Variants in SLC26A1 observed in about 807,000 individuals in gnomAD.
SLC26A1 encodes sulfate anion transporter 1.
SLC26A1 carries 18 observed loss-of-function variants against 14.5 expected under a neutral mutation model. The observed-to-expected ratio is 1.24, with a 90% CI of 0.86 to 1.84. SLC26A1 has a LOEUF of 1.84. Among genes scored for constraint, SLC26A1 ranks in the 40% most tolerant of loss-of-function variants. SLC26A1 has a pLI of 0.00. For missense variants in SLC26A1, 1,049 were observed against 1,020.0 expected, an observed-to-expected ratio of 1.03 and a Z score of -0.39; for synonymous variants, 505 against 492.0, an observed-to-expected ratio of 1.03 and a Z score of -0.35.
intron 2 of SLC26A1, among the ~76,000 whole-genome samples, chr4:982,009 C>T (rs748969811): frequency 6.6e-5 from 10 of 152,230 alleles, no homozygotes; most frequent in Middle Eastern, 3.4e-3. Context: ...TTAGTAGAGA[C>T]GAGTTTTCAC....
chr4:989,309 C>T lies in SLC26A1; in HGVS notation c.1630G>A (p.Gly544Arg). ...TCCTTGTTGGCATAGTACAGCGGCC[C>T]CCCAAAGCGGAACACCCGCACGCCG... ...EPGVRVFRFG[G>R]PLYYANKDFF... is the part of the protein sequence containing the mutation. The change falls in exon 3 of 3, where the codon GGG (glycine) becomes AGG (arginine). Residue 544 changes from glycine to arginine, a missense_variant. Physicochemically the swap from Gly to Arg is moderately radical, Grantham distance 125. Coordinates refer to ENST00000398516, the MANE Select transcript of SLC26A1 (RefSeq NM_022042.4). The T allele has an allele frequency of 1.2e-6, 2 of 1,611,848 alleles. No homozygotes were observed. The highest frequency in any genetic ancestry group is 2.2e-5 in the East Asian group (1 of 44,834).
In SLC26A1 at chr4:987,734, G is replaced by T. The variant is rs779748908; in HGVS notation, c.*1099C>A. On this transcript the variant is annotated 3_prime_UTR_variant, in exon 3 of 3. Transcript: ENST00000398516. ...GGATCCTGCGCCCGGGCAGTCCTGG[G>T]CTTGAACGTGTGTGTCAGCCGCGCT... The T allele has an allele frequency of 6.2e-7, 1 of 1,600,882 alleles. No individual in the cohort carries two copies. The highest frequency in any genetic ancestry group is 8.5e-7 in the Non-Finnish European group (1 of 1,175,024).
In SLC26A1 at chr4:990,159, G is replaced by A. The variant is rs756732014; in HGVS notation, c.780C>T (p.Asn260=). 45 of 1,563,568 alleles carry A rather than the reference G, an allele frequency of 2.9e-5. No homozygotes were observed. The highest frequency in any genetic ancestry group is 1.9e-4 in the East Asian group (8 of 42,088). The part of the protein sequence containing the change: ...LSLLRGAGQA[N]VCDVVTSTVC... ...CCGTGCTGGTGACCACGTCGCACAC[G>A]TTGGCCTGCCCGGCGCCGCGCAGCA... The change falls in exon 3 of 3, where the codon AAC becomes AAT. Residue 260 remains asparagine, a synonymous_variant. Coordinates refer to ENST00000398516, the MANE Select transcript of SLC26A1 (RefSeq NM_022042.4).
chr4:981,769 C>T (rs575954802), intron 2 of SLC26A1, among the ~76,000 whole-genome samples: 287 of 152,356 alleles, frequency 1.9e-3, no homozygotes, highest in Non-Finnish European at 3.4e-3. Context: ...AGCTGCCCAG[C>T]GGCTTCTGAT....
At chr4:987,604 GC>G, downstream of SLC26A1, 1 of 1,428,352 alleles carries the variant, frequency 7.0e-7, no homozygotes, top group Non-Finnish European at 9.2e-7. Flanking sequence ...GCTGGCGTTG[GC>G]CCCTCGTCTT....
chr4:980,626 TG>T (rs1354357326), intron 2 of SLC26A1, among the ~76,000 whole-genome samples: 5 of 145,992 alleles, frequency 3.4e-5, no homozygotes, highest in African/African-American at 1.3e-4. Flanking sequence ...ACAATCAGGA[TG>T]GACAGGAAGT....
In SLC26A1 at chr4:991,667, C is replaced by A; in HGVS notation, c.37G>T (p.Gly13Trp). 1 of 1,539,182 alleles carries A rather than the reference C, an allele frequency of 6.5e-7. No homozygotes were observed. The highest frequency in any genetic ancestry group is 8.7e-7 in the Non-Finnish European group (1 of 1,149,442). Residue 13 changes from glycine to tryptophan, a missense_variant, in exon 2 of 3, where the codon GGG becomes TGG. By Grantham distance (184) the Gly-to-Trp change is radical (BLOSUM62 -2). Transcript: ENST00000398516. ...ESPEPLQQGRGPVPVRRQRPA... is the reference protein window; with the variant it reads ...ESPEPLQQGRWPVPVRRQRPA... ...CGCTGCCGTCGGACCGGCACCGGCC[C>A]TCTGCCCTGCTGCAGAGGCTCAGGG... is the stretch of plus-strand genomic sequence containing the variant.
chr4:987,992 G>A lies in SLC26A1; in HGVS notation c.*841C>T. On this transcript the variant is annotated 3_prime_UTR_variant, in exon 3 of 3. Coordinates refer to ENST00000398516, the MANE Select transcript of SLC26A1 (RefSeq NM_022042.4). ...TCTGGGCGTCCCAGAGCCCCTTACA[G>A]AGGCACAGATGGGAGGGGAGGGCTG... 1 of 1,537,268 alleles carries A rather than the reference G, an allele frequency of 6.5e-7. No individual in the cohort carries two copies.
chr4:982,101 G>C (rs1026097291), intron 2 of SLC26A1, among the ~76,000 whole-genome samples: 1 of 151,728 alleles, frequency 6.6e-6, no homozygotes, highest in African/African-American at 2.4e-5. Context: ...TTACAGGCAT[G>C]AGCCAGCGCG....
At chr4:985,665 T>A (rs931029673), downstream of SLC26A1, among the ~76,000 whole-genome samples, 3 of 152,230 alleles carry the variant, frequency 2.0e-5, no homozygotes, top group Non-Finnish European at 2.9e-5. Flanking sequence ...CTTTCTTACT[T>A]TTTAGTTTCT....
chr4:991,721 C>G lies in SLC26A1; in HGVS notation c.-18G>C, dbSNP rs747090497. On this transcript the variant is annotated 5_prime_UTR_variant, in exon 2 of 3. Coordinates refer to ENST00000398516, the MANE Select transcript of SLC26A1 (RefSeq NM_022042.4). ...TCGTCCATCCTGTTGCGTCAGGTCC[C>G]GTGGCCGACCTGCGGCCGAGAAGAG... The G allele has an allele frequency of 1.3e-6, 2 of 1,533,508 alleles. No individual in the cohort carries two copies. Among genetic ancestry groups the G allele is most frequent in the Admixed American group, 3.8e-5 (2 of 52,704 alleles). The allele number at this position is 1,533,508 out of a possible 1,614,324, so 95.0% of individuals were successfully genotyped here. A position where few individuals can be genotyped will look rare whatever the true frequency, so the allele number is the denominator to read the frequency against.
At position 991,523 on chromosome 4, in the gene SLC26A1, G is replaced by A. The variant is rs547128457; in HGVS notation, c.181C>T (p.Arg61Cys). The stretch of plus-strand genomic sequence containing the variant: ...AGGTACTCCCGCGGGCGGTACTGAC[G>A]CAGCCAGCGCGTGGCGGGGAGCAGG... ...QDLLPATRWL[R>C]QYRPREYLAG... Residue 61 changes from arginine (R) to cysteine (C), a missense_variant, in exon 2 of 3, where the codon CGT becomes TGT. Physicochemically the swap from Arg to Cys is radical, Grantham distance 180. Coordinates refer to ENST00000398516, the MANE Select transcript of SLC26A1 (RefSeq NM_022042.4). 3.9e-4 allele frequency: 634 copies of A among 1,607,548 alleles called. 8 individuals carry two copies. In the South Asian group the frequency reaches 6.6e-3, roughly 17 times the overall value.
chr4:991,156 G>A lies in SLC26A1; in HGVS notation c.548C>T (p.Ala183Val). 1.3e-6 allele frequency: 2 copies of A among 1,558,424 alleles called. No homozygotes were observed. The highest frequency in any genetic ancestry group is 1.2e-5 in the South Asian group (1 of 81,904). ...GTAAAGCCCGGTCATCAGCGTGAGG[G>A]CGGTGGCGACACGGATGGCGTAGCA... is the stretch of plus-strand genomic sequence containing the variant. The part of the protein sequence containing the change: ...RDCYAIRVAT[A>V]LTLMTGLYQV... The change falls in exon 2 of 3, where the codon GCC becomes GTC. Residue 183 changes from alanine to valine, a missense_variant. Ala to Val is a moderately conservative substitution (Grantham distance 64). Coordinates refer to ENST00000398516, the MANE Select transcript of SLC26A1 (RefSeq NM_022042.4).
Position 989,004 on chromosome 4 carries a change from C to T in SLC26A1, c.1935G>A (p.Leu645=). ...TCACAGGCGGGCTGCAGCAGGCTAG[C>T]AGCAGGCTGATGCCCAGGGCCCCGT... ...RDYGALGISL[L]LACCSPPVRD... is the part of the protein sequence containing the mutation. The change falls in exon 3 of 3, where the codon CTG becomes CTA. Residue 645 remains leucine (L), a synonymous_variant. Transcript: ENST00000398516. 2 of 1,590,626 alleles carry T rather than the reference C, an allele frequency of 1.3e-6. No homozygotes were observed. Among genetic ancestry groups the T allele is most frequent in the Non-Finnish European group, 1.7e-6 (2 of 1,169,240 alleles).
At position 991,673 on chromosome 4, in the gene SLC26A1, C is replaced by T. The variant is rs1431983363; in HGVS notation, c.31G>A (p.Gly11Ser). ...CGTCGGACCGGCACCGGCCCTCTGCCCTGCTGCAGAGGCTCAGGGGACTCG... is the reference window on the plus strand; with the variant it reads ...CGTCGGACCGGCACCGGCCCTCTGCTCTGCTGCAGAGGCTCAGGGGACTCG... The part of the protein sequence containing the change: MDESPEPLQQ[G>S]RGPVPVRRQR... Residue 11 changes from glycine to serine, a missense_variant, in exon 2 of 3, where the codon GGC becomes AGC. Gly to Ser is a moderately conservative substitution (Grantham distance 56). Coordinates refer to ENST00000398516, the MANE Select transcript of SLC26A1 (RefSeq NM_022042.4). 3.3e-6 allele frequency: 5 copies of T among 1,535,660 alleles called. No homozygotes were observed. The highest frequency in any genetic ancestry group is 4.4e-6 in the Non-Finnish European group (5 of 1,147,512).
downstream of SLC26A1, among the ~76,000 whole-genome samples, chr4:984,692 G>A (rs756046216): frequency 4.6e-5 from 7 of 152,268 alleles, no homozygotes; most frequent in African/African-American, 9.6e-5. Context: ...TTGGCTGGGC[G>A]TGGTGGCTCA....
Position 991,443 on chromosome 4 carries a change from G to A in SLC26A1, c.261C>T (p.Ala87=). ...LVIGIILVPQ[A]IAYSLLAGLQ... ...GCCCGGCCAGCAATGAGTAGGCGAT[G>A]GCCTGCGGCACCAGGATGATGCCGA... Residue 87 remains alanine (A), a synonymous_variant, in exon 2 of 3, where the codon GCC becomes GCT. Coordinates refer to ENST00000398516, the MANE Select transcript of SLC26A1 (RefSeq NM_022042.4). 6.2e-7 allele frequency: 1 copy of A among 1,612,662 alleles called. No homozygotes were observed. Among genetic ancestry groups the A allele is most frequent in the East Asian group, 2.2e-5 (1 of 44,892 alleles).
Position 989,977 on chromosome 4 carries a change from C to T in SLC26A1, c.962G>A (p.Gly321Asp), listed in dbSNP as rs1458042458. The change falls in exon 3 of 3, where the codon GGC (glycine) becomes GAC (aspartate). Residue 321 changes from glycine to aspartate, a missense_variant. Coordinates refer to ENST00000398516, the MANE Select transcript of SLC26A1 (RefSeq NM_022042.4). ...GGGCATGAAACCCGTGGGGATGTCGCCAGCCACGCTCGAGCCAAAGCGCTT... is the reference window on the plus strand; with the variant it reads ...GGGCATGAAACCCGTGGGGATGTCGTCAGCCACGCTCGAGCCAAAGCGCTT... ...LHKRFGSSVA[G>D]DIPTGFMPPQ... is the part of the protein sequence containing the mutation. 3.9e-6 allele frequency: 6 copies of T among 1,557,966 alleles called. No homozygotes were observed. The Admixed American group carries it at 5.7e-5, about 15-fold the overall frequency.
chr4:980,457 G>T (rs1713504135), intron 2 of SLC26A1, among the ~76,000 whole-genome samples: 1 of 151,980 alleles, frequency 6.6e-6, no homozygotes, highest in African/African-American at 2.4e-5. Context: ...ATGGTGGCGG[G>T]CGCCTGTAGT....
Sources: allele counts gnomAD v4.1 joint callset (sites outside exome capture counted in the v4.1 genomes callset), GRCh38; gene constraint gnomAD v4.1.1; transcripts MANE v1.5; gene names NCBI Gene and HGNC (gene_info 2026-07-23, HGNC 2026-07-21).